RP1: variants seen among roughly 807,000 people sequenced by gnomAD.
RP1 encodes the protein oxygen-regulated protein 1.
In RP1, 16 loss-of-function variants were observed where a neutral mutation model predicts 14.8. The observed-to-expected ratio is 1.08, with a 90% CI of 0.73 to 1.65. The LOEUF (loss-of-function observed/expected upper bound fraction) is 1.65. RP1 is among the 40% of genes most tolerant of loss of function. The pLI, the probability that RP1 is intolerant of heterozygous loss-of-function variation, is 0.00. For synonymous variants in RP1, 876 were observed against 883.6 expected (o/e 0.99, Z 0.15); for missense variants, 2,631 against 2,535.0 (o/e 1.04, Z -0.81).
At chr8:54,698,452 G>A (rs1807927226) in intron 12 of RP1, among the ~76,000 whole-genome samples, 1 of 152,202 alleles carries the variant, frequency 6.6e-6, no homozygotes, top group Non-Finnish European at 1.5e-5. Context: ...GTGTAAGTTA[G>A]TTCAACCATT....
chr8:54,811,557 A>G (rs1810995063), intron 24 of RP1, among the ~76,000 whole-genome samples: 1 of 152,200 alleles, frequency 6.6e-6, no homozygotes, highest in South Asian at 2.1e-4. Flanking sequence ...GGAGGGAAGA[A>G]GTCGTGTCAT....
At chr8:54,584,250 C>T (rs1283933214) in intron 1 of RP1, among the ~76,000 whole-genome samples, 5 of 152,156 alleles carry the variant, frequency 3.3e-5, no homozygotes, top group East Asian at 3.8e-4. Flanking sequence ...GTCTTCATTT[C>T]GTTATGTACC....
At chr8:54,696,412 G>A in intron 12 of RP1, 1 of 701,358 alleles carries the variant, frequency 1.4e-6, no homozygotes, top group Non-Finnish European at 2.5e-6. Flanking sequence ...CGGAGCAAGA[G>A]CAAAGAAAAA....
At chr8:54,679,375 T>C in intron 9 of RP1, 2 of 1,479,640 alleles carry the variant, frequency 1.4e-6, no homozygotes, top group Non-Finnish European at 1.8e-6. Flanking sequence ...ATGGTTAATG[T>C]AAATATAAAG....
chr8:54,769,956 A>T, exon 23 of RP1: 1 of 583,886 alleles, frequency 1.7e-6, no homozygotes, highest in South Asian at 2.5e-5. Flanking sequence ...TGAAATAAAA[A>T]CATATGTAAA....
At chr8:54,762,113 T>C (rs1809654149) in intron 22 of RP1, among the ~76,000 whole-genome samples, 1 of 152,154 alleles carries the variant, frequency 6.6e-6, no homozygotes, top group Non-Finnish European at 1.5e-5. Context: ...GGTATGATGC[T>C]GGGCATGTTC....
At chr8:54,598,006 C>T (rs1327488655) in intron 1 of RP1, among the ~76,000 whole-genome samples, 1 of 152,190 alleles carries the variant, frequency 6.6e-6, no homozygotes, top group East Asian at 1.9e-4. Context: ...TATGGCCATA[C>T]ATTTTTCCCT....
chr8:54,583,078 A>C (rs1329674167), intron 1 of RP1, among the ~76,000 whole-genome samples: 2 of 152,166 alleles, frequency 1.3e-5, no homozygotes, highest in Admixed American at 6.5e-5. Flanking sequence ...GTCTTGTGCC[A>C]GTTTTCAAAG....
chr8:54,845,652 C>A (rs1476604537), intron 25 of RP1, among the ~76,000 whole-genome samples: 1 of 152,154 alleles, frequency 6.6e-6, no homozygotes, highest in Non-Finnish European at 1.5e-5. Context: ...CAAAATTATC[C>A]TAAATTGAGG....
chr8:54,870,312 T>A (rs1297775326), exon 29 of RP1: 2 of 169,028 alleles, frequency 1.2e-5, no homozygotes, highest in African/African-American at 4.7e-5. Flanking sequence ...AATGTCTAAA[T>A]AAGTATTCTT....
intron 19 of RP1, among the ~76,000 whole-genome samples, chr8:54,739,538 T>C (rs1809018783): frequency 6.6e-6 from 1 of 152,158 alleles, no homozygotes; most frequent in African/African-American, 2.4e-5. Flanking sequence ...GCAAAGATAA[T>C]CTGTTCATAG....
At chr8:54,732,884 C>T (rs1461958341) in intron 17 of RP1, among the ~76,000 whole-genome samples, 3 of 152,180 alleles carry the variant, frequency 2.0e-5, no homozygotes, top group Non-Finnish European at 4.4e-5. Context: ...ACTTGCTCTG[C>T]CTGGGTTTGA....
chr8:54,787,917 T>C (rs1232298675), intron 24 of RP1, among the ~76,000 whole-genome samples: 2 of 152,192 alleles, frequency 1.3e-5, no homozygotes, highest in Admixed American at 1.3e-4. Flanking sequence ...GCACTTAACA[T>C]TTGTAAGCTT....
chr8:54,621,806 C>G (rs1805887767), intron 2 of RP1, among the ~76,000 whole-genome samples: 1 of 152,120 alleles, frequency 6.6e-6, no homozygotes, highest in South Asian at 2.1e-4. Flanking sequence ...TCCCTGAGCC[C>G]TGAGTTACAT....
At chr8:54,735,540 CA>C (rs1378159222) in intron 18 of RP1, among the ~76,000 whole-genome samples, 1 of 152,156 alleles carries the variant, frequency 6.6e-6, no homozygotes, top group African/African-American at 2.4e-5. Flanking sequence ...CTCATGTCAC[CA>C]GGAACCCAAG....
intron 8 of RP1, chr8:54,673,941 C>T: frequency 6.6e-7 from 1 of 1,523,972 alleles, no homozygotes; most frequent in Non-Finnish European, 8.8e-7. Context: ...AAGACTCTTC[C>T]ACAGAGAGTT....
chr8:54,701,403 AC>A, intron 13 of RP1: 1 of 1,113,856 alleles, frequency 9.0e-7, no homozygotes. Context: ...TGAAGTAGAC[AC>A]CTGTATATGT....
At chr8:54,860,246 A>G (rs1478359747) in intron 27 of RP1, among the ~76,000 whole-genome samples, 1 of 152,218 alleles carries the variant, frequency 6.6e-6, no homozygotes, top group Non-Finnish European at 1.5e-5. Context: ...AGGGAGCAAT[A>G]AACTTCCAAA....
intron 1 of RP1, among the ~76,000 whole-genome samples, chr8:54,609,326 C>T (rs1371849029): frequency 6.6e-6 from 1 of 151,936 alleles, no homozygotes; most frequent in East Asian, 1.9e-4. Context: ...TGGTGATGCA[C>T]TCCTGCAGTC....
Sources: gnomAD v4.1 joint callset for allele counts (sites outside exome capture counted in the v4.1 genomes callset) on GRCh38, gnomAD v4.1.1 for gene constraint, MANE v1.5 for transcripts, NCBI Gene and HGNC (gene_info 2026-07-23, HGNC 2026-07-21) for gene names.